The following MLYCD variants were observed in gnomAD, a reference collection of about 807,000 sequenced individuals.
MLYCD encodes the protein malonyl-CoA decarboxylase, mitochondrial.
MLYCD carries 27 observed loss-of-function variants against 35.8 expected under a neutral mutation model. That is an observed-to-expected ratio of 0.75 (90% CI 0.56 to 1.04). The LOEUF is 1.04. Ranked by LOEUF, MLYCD falls within the 50% of genes least tolerant of loss-of-function variation. The pLI, the probability that MLYCD is intolerant of heterozygous loss-of-function variation, is 0.00. For synonymous variants in MLYCD, 403 were observed against 302.4 expected (o/e 1.33, Z -3.45); for missense variants, 917 against 665.1 (o/e 1.38, Z -4.17).
intron 1 of MLYCD, among the ~76,000 whole-genome samples, chr16:83,902,155 GTATATATATATATATATATATA>G (rs386385269): frequency 1.1e-5 from 1 of 87,318 alleles, no homozygotes; most frequent in Admixed American, 1.1e-4. Flanking sequence ...GTGTGCGTGC[GTATATATATATATATATATATA>G]TATATATATA....
At chr16:83,906,909 C>A in intron 1 of MLYCD, 78 bp from the exon 2 acceptor site, 1 of 1,229,138 alleles carries the variant, frequency 8.1e-7, no homozygotes, top group Non-Finnish European at 1.2e-6. Context: ...TGTTTTCATT[C>A]CTTGTGCTGA....
Position 83,918,920 on chromosome 16 carries a change from G to C in MLYCD, c.*3431G>C, listed in dbSNP as rs921970951. ...AGAACCACACTGCACAGGAGAATAT[G>C]CATAAACAGTTCACAGGAGAACACG... On this transcript the variant is annotated 3_prime_UTR_variant, in exon 5 of 5. Transcript: ENST00000262430. 7 of 140,264 alleles carry C rather than the reference G, an allele frequency of 5.0e-5. No homozygotes were observed. Among genetic ancestry groups the C allele is most frequent in the African/African-American group, 1.9e-4 (7 of 36,162 alleles). The allele number at this position is 140,264 out of a possible 1,614,324, so 8.7% of individuals were successfully genotyped here.
chr16:83,915,878 A>G lies in MLYCD; in HGVS notation c.*389A>G. On this transcript the variant is annotated 3_prime_UTR_variant, in exon 5 of 5. Transcript: ENST00000262430. ...TCCTAAGGACCGGGGCGCGTGGCCC[A>G]GATAAGAATAGGTGTTCCTTTGTGC... 8.6e-7 allele frequency: 1 copy of G among 1,164,708 alleles called. No individual in the cohort carries two copies. Among genetic ancestry groups the G allele is most frequent in the Non-Finnish European group, 1.1e-6 (1 of 933,532 alleles). The allele number at this position is 1,164,708 out of a possible 1,614,324, so 72.1% of individuals were successfully genotyped here.
intron 4 of MLYCD, chr16:83,913,145 G>T (rs891613649): frequency 1.3e-5 from 2 of 152,782 alleles, no homozygotes; most frequent in African/African-American, 2.4e-5. Flanking sequence ...GAGGACGACA[G>T]TGTGGAGTGG....
At position 83,915,330 on chromosome 16, in the gene MLYCD, CAG is replaced by C. The variant is rs747108467; in HGVS notation, c.1326_1327del (p.Gly443HisfsTer35). Reference sequence around the variant, plus strand: ...TCAACTGGATGGCGGATGTGAGCCTCAGAGGCATCACCGGCTCCTGCGGCCTG... The same window carrying C: ...TCAACTGGATGGCGGATGTGAGCCTCAGGCATCACCGGCTCCTGCGGCCTG... ...RINWMADVSL[R>X]GITGSCGLMA... On this transcript the variant is annotated frameshift_variant, in exon 5 of 5. Transcript: ENST00000262430. LOFTEE classifies it high-confidence loss of function. 1 of 1,613,932 alleles carries C rather than the reference CAG, an allele frequency of 6.2e-7. No homozygotes were observed. The highest frequency in any genetic ancestry group is 1.1e-5 in the South Asian group (1 of 91,086).
At chr16:83,903,913 C>G (rs546944737) in intron 1 of MLYCD, among the ~76,000 whole-genome samples, 2 of 152,242 alleles carry the variant, frequency 1.3e-5, no homozygotes, top group Non-Finnish European at 2.9e-5. Context: ...GTTGCAGAGG[C>G]CTCTTTCCCT....
Position 83,924,516 on chromosome 16 carries a change from G to T in MLYCD, c.*9027G>T, listed in dbSNP as rs1215718883. On this transcript the variant is annotated 3_prime_UTR_variant, in exon 5 of 5. Coordinates refer to ENST00000262430, the MANE Select transcript of MLYCD (RefSeq NM_012213.3). ...CTGTTGCCGTAAATCTGTCTCCATC[G>T]CCTGGCACATAGGAGAGGCTTGGCA... 6.6e-6 allele frequency: 1 copy of T among 152,142 alleles called. No individual in the cohort carries two copies. The highest frequency in any genetic ancestry group is 2.1e-4 in the South Asian group (1 of 4,826). The allele number at this position is 152,142 out of a possible 1,614,324, so 9.4% of individuals were successfully genotyped here.
In MLYCD at chr16:83,926,259, T is replaced by TC. The variant is rs1907803308; in HGVS notation, c.*10774dup. The TC allele has an allele frequency of 6.6e-6, 1 of 152,226 alleles. No individual in the cohort carries two copies. The highest frequency in any genetic ancestry group is 2.1e-4 in the South Asian group (1 of 4,814). The allele number at this position is 152,226 out of a possible 1,614,324, so 9.4% of individuals were successfully genotyped here. A position where few individuals can be genotyped will look rare whatever the true frequency, so the allele number is the denominator to read the frequency against. On this transcript the variant is annotated 3_prime_UTR_variant, in exon 5 of 5. Transcript: ENST00000262430. ...AGATCTCACTTTCTCCAAGCCCAGC[T>TC]CCCCAAGGACTCAGACCCCAGTTGC...
At chr16:83,900,582 A>T (rs1298545548) in intron 1 of MLYCD, among the ~76,000 whole-genome samples, 2 of 121,066 alleles carry the variant, frequency 1.7e-5, no homozygotes, top group East Asian at 2.3e-4. Flanking sequence ...TGCCCGGCTA[A>T]TTTTTTTTTT....
chr16:83,905,403 C>G (rs1906938429), intron 1 of MLYCD, among the ~76,000 whole-genome samples: 1 of 152,016 alleles, frequency 6.6e-6, no homozygotes, highest in African/African-American at 2.4e-5. Flanking sequence ...TTATGAGTAA[C>G]AAAGACCCAA....
In MLYCD at chr16:83,908,053, G is replaced by A. The variant is rs907720628; in HGVS notation, c.642-73G>A. The A allele has an allele frequency of 5.7e-6, 9 of 1,576,776 alleles. No individual in the cohort carries two copies. In the African/African-American group the frequency reaches 1.2e-4, roughly 21 times the overall value. The stretch of plus-strand genomic sequence containing the variant: ...AGAACTTGTTTGACTTAGACGAATA[G>A]TATGAATAGGAGTCAGCAGCCGTTG... On this transcript the variant is annotated intron_variant, in intron 2 of 4. Transcript: ENST00000262430.
chr16:83,901,342 C>T (rs995564916), intron 1 of MLYCD, among the ~76,000 whole-genome samples: 1 of 152,170 alleles, frequency 6.6e-6, no homozygotes, highest in Non-Finnish European at 1.5e-5. Flanking sequence ...GGAAACTTGT[C>T]TTTAAATTTC....
chr16:83,914,083 T>C (rs1438011356), intron 4 of MLYCD: 1 of 152,226 alleles, frequency 6.6e-6, no homozygotes. Context: ...GAGAGTGGTT[T>C]TCTCAATGTA....
At position 83,917,538 on chromosome 16, in the gene MLYCD, C is replaced by A. The variant is rs189728461; in HGVS notation, c.*2049C>A. The A allele has an allele frequency of 1.3e-5, 2 of 153,694 alleles. No homozygotes were observed. Among genetic ancestry groups the A allele is most frequent in the Non-Finnish European group, 2.9e-5 (2 of 68,110 alleles). 9.5% of individuals were successfully genotyped at this position (153,694 alleles called of 1,614,324 possible). On this transcript the variant is annotated 3_prime_UTR_variant, in exon 5 of 5. Coordinates refer to ENST00000262430, the MANE Select transcript of MLYCD (RefSeq NM_012213.3). ...AGGCCCCTTCTCTGTCTTCTGCGTA[C>A]GGCGTGTTGCTTCGTGACAGACGGT...
chr16:83,906,057 C>G (rs931370783), intron 1 of MLYCD, among the ~76,000 whole-genome samples: 1 of 152,166 alleles, frequency 6.6e-6, no homozygotes, highest in African/African-American at 2.4e-5. Flanking sequence ...GCCAGATACG[C>G]TATTATTTTA....
chr16:83,899,203 C>T lies in MLYCD; in HGVS notation c.59C>T (p.Pro20Leu). 1 of 1,182,040 alleles carries T rather than the reference C, an allele frequency of 8.5e-7. No homozygotes were observed. Among genetic ancestry groups the T allele is most frequent in the Non-Finnish European group, 1.0e-6 (1 of 960,078 alleles). 73.2% of individuals were successfully genotyped at this position (1,182,040 alleles called of 1,614,324 possible). A position where few individuals can be genotyped will look rare whatever the true frequency, so the allele number is the denominator to read the frequency against. Reference protein sequence around the residue: ...ARRLLPLRLPPRPPGPRLASG... With the variant: ...ARRLLPLRLPLRPPGPRLASG... ...CGTCTCCTCCCGCTGCGGTTGCCCC[C>T]GCGGCCGCCCGGGCCCCGGCTGGCG... The change falls in exon 1 of 5, where the codon CCG (proline) becomes CTG (leucine). Residue 20 changes from proline (P) to leucine (L), a missense_variant. Pro to Leu is a moderately conservative substitution (Grantham distance 98, BLOSUM62 -3). Coordinates refer to ENST00000262430, the MANE Select transcript of MLYCD (RefSeq NM_012213.3).
Position 83,899,161 on chromosome 16 carries a change from C to A in MLYCD, c.17C>A (p.Pro6Gln). Residue 6 changes from proline to glutamine, a missense_variant, in exon 1 of 5, where the codon CCA (proline) becomes CAA (glutamine). By Grantham distance (76) the Pro-to-Gln change is moderately conservative. Coordinates refer to ENST00000262430, the MANE Select transcript of MLYCD (RefSeq NM_012213.3). MRGFG[P>Q]GLTARRLLPL... ...TGGGGCACCATGCGAGGCTTCGGGC[C>A]AGGCTTGACGGCCAGGCGTCTCCTC... The A allele has an allele frequency of 8.6e-7, 1 of 1,156,100 alleles. No individual in the cohort carries two copies. Among genetic ancestry groups the A allele is most frequent in the Non-Finnish European group, 1.1e-6 (1 of 942,294 alleles). 71.6% of individuals were successfully genotyped at this position (1,156,100 alleles called of 1,614,324 possible).
intron 1 of MLYCD, among the ~76,000 whole-genome samples, chr16:83,905,603 C>T (rs1265421927): frequency 6.6e-6 from 1 of 152,164 alleles, no homozygotes; most frequent in Non-Finnish European, 1.5e-5. Context: ...TGCCAGCCAT[C>T]ACACCGCCTT....
chr16:83,901,035 G>C (rs1172693339), intron 1 of MLYCD, among the ~76,000 whole-genome samples: 1 of 152,148 alleles, frequency 6.6e-6, no homozygotes, highest in African/African-American at 2.4e-5. Context: ...AATTAAGTAT[G>C]GGATTAATGT....
Sources: allele counts gnomAD v4.1 joint callset (sites outside exome capture counted in the v4.1 genomes callset), GRCh38; gene constraint gnomAD v4.1.1; transcripts MANE v1.5; gene names NCBI Gene and HGNC (gene_info 2026-07-23, HGNC 2026-07-21).